The following DISC1 variants were observed in gnomAD, a reference collection of about 807,000 sequenced individuals.
The protein encoded by DISC1 is DISC1 scaffold protein.
In DISC1, 57 loss-of-function variants were observed where a neutral mutation model predicts 84.5. The observed-to-expected ratio is 0.67, with a 90% confidence interval of 0.55 to 0.84. DISC1 has a LOEUF of 0.84. Among genes scored for constraint, DISC1 ranks in the 40% least tolerant of loss-of-function variants. The pLI, the probability that DISC1 is intolerant of heterozygous loss-of-function variation, is 0.00. For synonymous variants in DISC1, 411 were observed against 415.2 expected (o/e 0.99, Z 0.12); for missense variants, 1,000 against 1,057.8 (o/e 0.95, Z 0.76).
chr1:231,838,676 T>C (rs59295886), intron 9 of DISC1, among the ~76,000 whole-genome samples: 21,298 of 152,288 alleles, frequency 0.14, 1,686 homozygotes, highest in African/African-American at 0.18. Context: ...GATGGATATC[T>C]GAGAGTCTAT....
At chr1:231,961,863 T>C (rs1322309176) in intron 10 of DISC1, among the ~76,000 whole-genome samples, 1 of 152,248 alleles carries the variant, frequency 6.6e-6, no homozygotes, top group East Asian at 1.9e-4. Flanking sequence ...GTCTTTTTGG[T>C]AGAATGGTTT....
chr1:231,898,073 A>G (rs1047419383), intron 9 of DISC1, among the ~76,000 whole-genome samples: 1 of 152,238 alleles, frequency 6.6e-6, no homozygotes, highest in Non-Finnish European at 1.5e-5. Flanking sequence ...CAAAACAGCA[A>G]GATGTAATCA....
At chr1:231,733,462 G>A (rs181907202) in intron 3 of DISC1, among the ~76,000 whole-genome samples, 69 of 151,846 alleles carry the variant, frequency 4.5e-4, no homozygotes, top group African/African-American at 1.5e-3. Flanking sequence ...TGTAGAAGTG[G>A]TGGTGATGGT....
At chr1:231,994,020 A>G (rs927800140) in intron 10 of DISC1, among the ~76,000 whole-genome samples, 1 of 152,238 alleles carries the variant, frequency 6.6e-6, no homozygotes, top group Admixed American at 6.5e-5. Flanking sequence ...AAAGGGAAGT[A>G]TGTTACACTA....
intron 9 of DISC1, among the ~76,000 whole-genome samples, chr1:231,827,782 TA>T (rs1269242350): frequency 2.6e-5 from 4 of 152,178 alleles, no homozygotes. Flanking sequence ...GGCTTTTCTG[TA>T]ACTGGGGAGG....
At chr1:231,798,321 T>C (rs1222894723) in intron 7 of DISC1, among the ~76,000 whole-genome samples, 2 of 152,118 alleles carry the variant, frequency 1.3e-5, no homozygotes, top group African/African-American at 4.8e-5. Flanking sequence ...GATATTAGAT[T>C]ACATCCAGCA....
At chr1:231,994,532 G>T (rs1665642372) in intron 10 of DISC1, among the ~76,000 whole-genome samples, 1 of 152,178 alleles carries the variant, frequency 6.6e-6, no homozygotes, top group South Asian at 2.1e-4. Flanking sequence ...AAGAGTAAAG[G>T]TTATGTTTTT....
intron 9 of DISC1, among the ~76,000 whole-genome samples, chr1:231,852,457 C>G (rs1013351207): frequency 5.3e-5 from 8 of 152,240 alleles, no homozygotes; most frequent in African/African-American, 1.7e-4. Flanking sequence ...GATGTAAAAT[C>G]AGACGCAGCT....
intron 9 of DISC1, among the ~76,000 whole-genome samples, chr1:231,911,371 G>A (rs1438613720): frequency 2.0e-4 from 31 of 152,068 alleles, no homozygotes; most frequent in Admixed American, 2.0e-3. Context: ...GGCAGGCCTG[G>A]TGGTGACAAA....
At chr1:231,990,910 G>A (rs821652) in intron 10 of DISC1, among the ~76,000 whole-genome samples, 53,674 of 152,080 alleles carry the variant, frequency 0.35, 11,069 homozygotes, top group African/African-American at 0.57. Flanking sequence ...TGGTTTGTGG[G>A]TAGGGAATAC....
chr1:231,810,013 C>G (rs551622597), intron 8 of DISC1, among the ~76,000 whole-genome samples: 112 of 152,226 alleles, frequency 7.4e-4, no homozygotes, highest in African/African-American at 2.6e-3. Context: ...ATGATATAAT[C>G]TAAAATAAAA....
At chr1:231,627,643 T>C (rs1311534605) in intron 1 of DISC1, among the ~76,000 whole-genome samples, 2 of 152,250 alleles carry the variant, frequency 1.3e-5, no homozygotes, top group African/African-American at 2.4e-5. Context: ...ACTTCTACCT[T>C]CTCACTCTTA....
At chr1:231,733,159 A>G (rs76044233) in intron 3 of DISC1, among the ~76,000 whole-genome samples, 16 of 7,550 alleles carry the variant, frequency 2.1e-3, no homozygotes, top group African/African-American at 5.2e-3. Context: ...GATGGTGGTG[A>G]TGGTAGGAGT....
At chr1:231,772,612 T>C (rs187629604) in intron 6 of DISC1, among the ~76,000 whole-genome samples, 29 of 152,320 alleles carry the variant, frequency 1.9e-4, no homozygotes, top group African/African-American at 6.7e-4. Flanking sequence ...AGGTAGTACA[T>C]AGAAAACTCT....
At chr1:231,762,093 C>A (rs935322348) in intron 4 of DISC1, among the ~76,000 whole-genome samples, 7 of 151,240 alleles carry the variant, frequency 4.6e-5, no homozygotes, top group African/African-American at 1.7e-4. Context: ...TTTCTCTTTT[C>A]TTTTTTCTTT....
rs557084737 is a variant in DISC1 at position 231,874,579 on chromosome 1, C to T, written c.1981+56062C>T. Reference sequence around the variant, plus strand: ...GTTTTCATAGTCCTGTGCTTCAAAACGATAAAACAATTTAACCCTGTATTA... The same window carrying T: ...GTTTTCATAGTCCTGTGCTTCAAAATGATAAAACAATTTAACCCTGTATTA... On this transcript the variant is annotated intron_variant, in intron 9 of 12. Coordinates refer to ENST00000439617, the MANE Select transcript of DISC1 (RefSeq NM_018662.3). Among the ~76,000 whole-genome samples, 9 of 152,150 alleles carry T rather than the reference C, an allele frequency of 5.9e-5. 1 individual carries two copies. Among genetic ancestry groups the T allele is most frequent in the African/African-American group, 2.2e-4 (9 of 41,542 alleles).
Position 231,966,530 on chromosome 1 carries a change from G to T in DISC1, c.2042+7642G>T, listed in dbSNP as rs372679470. ...CATTGTACAGGAGGAATTCATTATT[G>T]CCTGATGGCAAACTCATGTCTCTGG... On this transcript the variant is annotated intron_variant, in intron 10 of 12. Transcript: ENST00000439617. 6.6e-4 allele frequency among the ~76,000 whole-genome samples: 100 copies of T among 152,288 alleles called. 2 individuals carry two copies. The highest frequency in any genetic ancestry group is 2.3e-3 in the African/African-American group (96 of 41,550).
At chr1:231,971,297 C>T (rs1014597474) in intron 10 of DISC1, among the ~76,000 whole-genome samples, 2 of 152,256 alleles carry the variant, frequency 1.3e-5, no homozygotes, top group African/African-American at 2.4e-5. Flanking sequence ...GAGGAAGCGT[C>T]GTCAAGATTG....
At chr1:231,936,610 G>C (rs1476797222) in intron 9 of DISC1, among the ~76,000 whole-genome samples, 1 of 152,202 alleles carries the variant, frequency 6.6e-6, no homozygotes, top group Admixed American at 6.5e-5. Flanking sequence ...TGCAGGGCTA[G>C]GTTTACATAC....
Sources: allele counts gnomAD v4.1 joint callset (sites outside exome capture counted in the v4.1 genomes callset), GRCh38; gene constraint gnomAD v4.1.1; transcripts MANE v1.5; gene names NCBI Gene and HGNC (gene_info 2026-07-23, HGNC 2026-07-21).